SCAF1: variants seen among roughly 807,000 people sequenced by gnomAD.
SCAF1 encodes SR-related CTD associated factor 1.
Under a neutral mutation model 91.2 loss-of-function variants are expected in SCAF1, and 28 were observed. The observed-to-expected ratio is 0.31, with a 90% CI of 0.23 to 0.42. The LOEUF is 0.42. Ranked by LOEUF, SCAF1 falls within the 10% of genes least tolerant of loss-of-function variation. The pLI, the probability that SCAF1 is intolerant of heterozygous loss-of-function variation, is 1.00. For synonymous variants in SCAF1, 1,036 were observed against 833.7 expected (o/e 1.24, Z -4.18); for missense variants, 1,893 against 1,872.1 (o/e 1.01, Z -0.21).
Position 49,650,926 on chromosome 19 carries a change from G to C in SCAF1, c.537G>C (p.Thr179=). 1 of 1,605,964 alleles carries C rather than the reference G, an allele frequency of 6.2e-7. No homozygotes were observed. Among genetic ancestry groups the C allele is most frequent in the Non-Finnish European group, 8.5e-7 (1 of 1,175,998 alleles). The change falls in exon 7 of 11, where the codon ACG becomes ACC. Residue 179 remains threonine (T), a synonymous_variant. Coordinates refer to ENST00000360565, the MANE Select transcript of SCAF1 (RefSeq NM_021228.3). ...PTCARHLTLG[T]GDGGPAPPPA... ...GTGCCCGTCACCTCACCTTGGGCAC[G>C]GGAGACGGGGGCCCTGCCCCACCCC...
Position 49,651,109 on chromosome 19 carries a change from A to G in SCAF1, c.720A>G (p.Pro240=). Residue 240 remains proline (P), a synonymous_variant, in exon 7 of 11, where the codon CCA becomes CCG. Coordinates refer to ENST00000360565, the MANE Select transcript of SCAF1 (RefSeq NM_021228.3). ...PFHPTDEAYS[P]PPAPEQKYDP... ...ACCCCACCGACGAGGCCTACTCTCC[A>G]CCGCCTGCTCCGGAGCAAAAGTACG... 1 of 1,600,560 alleles carries G rather than the reference A, an allele frequency of 6.2e-7. No homozygotes were observed. Among genetic ancestry groups the G allele is most frequent in the Non-Finnish European group, 8.5e-7 (1 of 1,174,764 alleles).
At position 49,652,317 on chromosome 19, in the gene SCAF1, A is replaced by G; in HGVS notation, c.1928A>G (p.Lys643Arg). ...KHRDGGGSKKKKKRSRSRGEK... is the reference protein window; with the variant it reads ...KHRDGGGSKKRKKRSRSRGEK... ...CGGGACGGTGGCGGCAGCAAGAAGA[A>G]GAAGAAGCGGTCGCGGTCCCGGGGT... The change falls in exon 7 of 11, where the codon AAG becomes AGG. Residue 643 changes from lysine to arginine, a missense_variant. Physicochemically the swap from Lys to Arg is conservative, Grantham distance 26. This residue lies in a region of SCAF1 where 1,436 missense variants were observed against 1,306.8 expected (regional missense o/e 1.10). Coordinates refer to ENST00000360565, the MANE Select transcript of SCAF1 (RefSeq NM_021228.3). 6.5e-7 allele frequency: 1 copy of G among 1,534,872 alleles called. No homozygotes were observed.
chr19:49,640,678 A>G (rs1271716581), upstream of SCAF1, among the ~76,000 whole-genome samples: 5 of 152,114 alleles, frequency 3.3e-5, no homozygotes, highest in Non-Finnish European at 5.9e-5. Flanking sequence ...TCCGCCCGCT[A>G]AGGGACCCAG....
In SCAF1 at chr19:49,646,843, A is replaced by G; in HGVS notation, c.478+13A>G. On this transcript the variant is annotated intron_variant, in intron 6 of 10. Coordinates refer to ENST00000360565, the MANE Select transcript of SCAF1 (RefSeq NM_021228.3). The surrounding 1 kb of genome is among the most constrained non-coding windows in gnomAD (Gnocchi z 5.6). ...ACGGGCAAAACGGGTATGTGGGGCC[A>G]GGGCGGAGCTGGGCAGGTGGTCGTG... 1 of 1,598,528 alleles carries G rather than the reference A, an allele frequency of 6.3e-7. No homozygotes were observed. Among genetic ancestry groups the G allele is most frequent in the Non-Finnish European group, 8.5e-7 (1 of 1,171,254 alleles).
Position 49,651,994 on chromosome 19 carries a change from CTCG to C in SCAF1, c.1609_1611del (p.Ser537del). The C allele has an allele frequency of 8.3e-7, 1 of 1,198,678 alleles. No homozygotes were observed. Among genetic ancestry groups the C allele is most frequent in the Non-Finnish European group, 1.0e-6 (1 of 957,054 alleles). The allele number at this position is 1,198,678 out of a possible 1,614,324, so 74.3% of individuals were successfully genotyped here. ...GCGAGGCCAAGGAGGCCGCCTCGTC[CTCG>C]TCGGGCACCCAGCCAGCGCCGCCCG... On this transcript the variant is annotated inframe_deletion, in exon 7 of 11. Coordinates refer to ENST00000360565, the MANE Select transcript of SCAF1 (RefSeq NM_021228.3).
At position 49,646,423 on chromosome 19, in the gene SCAF1, A is replaced by G. The variant is rs2081055440; in HGVS notation, c.262-103A>G. On this transcript the variant is annotated intron_variant, in intron 4 of 10. Coordinates refer to ENST00000360565, the MANE Select transcript of SCAF1 (RefSeq NM_021228.3). This position sits in a 1 kb window ranked among gnomAD's most constrained non-coding sequence, Gnocchi z 5.6. ...AATTAGATCCTCAGTTTTCTTGGGG[A>G]TCTTAGATGTCTGGGTTCCTGAGAG... 1.5e-5 allele frequency: 16 copies of G among 1,062,660 alleles called. No individual in the cohort carries two copies. In the South Asian group the frequency reaches 2.1e-4, roughly 14 times the overall value. The allele number at this position is 1,062,660 out of a possible 1,614,324, so 65.8% of individuals were successfully genotyped here.
chr19:49,651,008 T>TGCCCCGC lies in SCAF1; in HGVS notation c.619_620insGCCCCGC (p.Ser207CysfsTer25). 1.7e-6 allele frequency: 1 copy of TGCCCCGC among 583,744 alleles called. No individual in the cohort carries two copies. The highest frequency in any genetic ancestry group is 2.6e-6 in the Non-Finnish European group (1 of 389,054). 36.2% of individuals were successfully genotyped at this position (583,744 alleles called of 1,614,324 possible). Reference sequence around the variant, plus strand: ...CCCTTCTCCCTCATCTTCCTCCCCTTCCCCTCCCCCACCCCCACCGCCCCC... The same window carrying TGCCCCGC: ...CCCTTCTCCCTCATCTTCCTCCCCTTGCCCCGCCCCCTCCCCCACCCCCACCGCCCCC... On this transcript the variant is annotated frameshift_variant, in exon 7 of 11. Transcript: ENST00000360565. LOFTEE classifies it high-confidence loss of function.
rs1156449002 is a variant in SCAF1, at chr19:49,645,741, AGCTGCAGCAGGCCTACAGCACG to A, written c.166+332_167-344del. ...CCTAGGATTAGAGGGAAGCCTGATC[AGCTGCAGCAGGCCTACAGCACG>A]GGTGCAGCGGCGAGGGGCTGCGCTG... On this transcript the variant is annotated intron_variant, in intron 3 of 10. Transcript: ENST00000360565. The surrounding 1 kb of genome is among the most constrained non-coding windows in gnomAD (Gnocchi z 4.6). Among the ~76,000 whole-genome samples the A allele has an allele frequency of 1.3e-5, 2 of 152,186 alleles. No homozygotes were observed. The highest frequency in any genetic ancestry group is 2.9e-5 in the Non-Finnish European group (2 of 68,006).
upstream of SCAF1, among the ~76,000 whole-genome samples, chr19:49,641,071 A>C (rs892014637): frequency 1.3e-5 from 2 of 152,120 alleles, no homozygotes; most frequent in Admixed American, 6.5e-5. Context: ...CTGGGGACCC[A>C]GGATTCTGGA....
chr19:49,653,175 G>A lies in SCAF1; in HGVS notation c.2786G>A (p.Ser929Asn), dbSNP rs1198416683. ...KPSKTRKKVR[S>N]GGGSGGSGGQ... ...TCCAAGACCAGGAAAAAGGTCCGCA[G>A]TGGAGGTGGCAGCGGGGGCAGTGGT... Residue 929 changes from serine (S) to asparagine (N), a missense_variant, in exon 7 of 11, where the codon AGT becomes AAT. Physicochemically the swap from Ser to Asn is conservative, Grantham distance 46 (BLOSUM62 1). This residue lies in a region of SCAF1 where 1,436 missense variants were observed against 1,306.8 expected (regional missense o/e 1.10). Coordinates refer to ENST00000360565, the MANE Select transcript of SCAF1 (RefSeq NM_021228.3). 2 of 1,589,686 alleles carry A rather than the reference G, an allele frequency of 1.3e-6. No individual in the cohort carries two copies. Among genetic ancestry groups the A allele is most frequent in the East Asian group, 4.5e-5 (2 of 44,324 alleles).
Position 49,645,445 on chromosome 19 carries a change from C to T in SCAF1, c.166+34C>T, listed in dbSNP as rs777697356. The T allele has an allele frequency of 2.5e-6, 4 of 1,590,804 alleles. No individual in the cohort carries two copies. In the Admixed American group the frequency reaches 7.1e-5, roughly 28 times the overall value. The stretch of plus-strand genomic sequence containing the variant: ...GCTTCCGGTTCCTTTTAGCCCCTGC[C>T]CCCTCTCTGCATTCTTTATCCTAAT... On this transcript the variant is annotated intron_variant, in intron 3 of 10. Transcript: ENST00000360565. The surrounding 1 kb of genome is among the most constrained non-coding windows in gnomAD (Gnocchi z 4.6).
In SCAF1 at chr19:49,651,024, CA is replaced by C; in HGVS notation, c.636del (p.Pro213ArgfsTer98). On this transcript the variant is annotated frameshift_variant, in exon 7 of 11. Coordinates refer to ENST00000360565, the MANE Select transcript of SCAF1 (RefSeq NM_021228.3). LOFTEE classifies it high-confidence loss of function. ...SSSSPSPPPP[P>X]PPPAPPAPPA... ...TCCTCCCCTTCCCCTCCCCCACCCC[CA>C]CCGCCCCCTGCACCCCCAGCCCCAC... 1.4e-6 allele frequency: 1 copy of C among 734,232 alleles called. No homozygotes were observed. The highest frequency in any genetic ancestry group is 2.1e-6 in the Non-Finnish European group (1 of 472,274). 45.5% of individuals were successfully genotyped at this position (734,232 alleles called of 1,614,324 possible).
rs2081052393 is a variant in SCAF1, at chr19:49,645,994, A to G, written c.167-114A>G. On this transcript the variant is annotated intron_variant, in intron 3 of 10. Transcript: ENST00000360565. This position sits in a 1 kb window ranked among gnomAD's most constrained non-coding sequence, Gnocchi z 4.6. ...GGTGGCGCATGGAGGCCTGGAGAGCATGCGGGAGGCTGGTTCCGCTGTCAG... is the reference window on the plus strand; with the variant it reads ...GGTGGCGCATGGAGGCCTGGAGAGCGTGCGGGAGGCTGGTTCCGCTGTCAG... 1.1e-6 allele frequency: 1 copy of G among 924,304 alleles called. No individual in the cohort carries two copies. The highest frequency in any genetic ancestry group is 1.4e-5 in the South Asian group (1 of 73,572). 57.3% of individuals were successfully genotyped at this position (924,304 alleles called of 1,614,324 possible).
chr19:49,648,701 G>A lies in SCAF1; in HGVS notation c.478+1871G>A, dbSNP rs113010886. ...AATCAGAAGCTGTAGGGCTGGGCACGGTGGCTCACGCCTGTAATCCCAGCA... is the reference window on the plus strand; with the variant it reads ...AATCAGAAGCTGTAGGGCTGGGCACAGTGGCTCACGCCTGTAATCCCAGCA... On this transcript the variant is annotated intron_variant, in intron 6 of 10. Coordinates refer to ENST00000360565, the MANE Select transcript of SCAF1 (RefSeq NM_021228.3). 2.1e-3 allele frequency among the ~76,000 whole-genome samples: 313 copies of A among 151,934 alleles called. 3 individuals carry two copies. The highest frequency in any genetic ancestry group is 6.9e-3 in the African/African-American group (288 of 41,460).
upstream of SCAF1, among the ~76,000 whole-genome samples, chr19:49,640,737 G>A (rs1002712238): frequency 6.6e-6 from 1 of 152,174 alleles, no homozygotes; most frequent in Non-Finnish European, 1.5e-5. Context: ...ACTGGGAGGA[G>A]AGTGGGGCCC....
Position 49,651,979 on chromosome 19 carries a change from G to T in SCAF1, c.1590G>T (p.Lys530Asn). 8.3e-7 allele frequency: 1 copy of T among 1,200,064 alleles called. No individual in the cohort carries two copies. Among genetic ancestry groups the T allele is most frequent in the South Asian group, 1.7e-5 (1 of 57,284 alleles). 74.3% of individuals were successfully genotyped at this position (1,200,064 alleles called of 1,614,324 possible). The change falls in exon 7 of 11, where the codon AAG (lysine) becomes AAT (asparagine). Residue 530 changes from lysine (K) to asparagine (N), a missense_variant. Lys to Asn is a moderately conservative substitution (Grantham distance 94). Transcript: ENST00000360565. ...AACGCAAGCGCAGCGGCGAGGCCAA[G>T]GAGGCCGCCTCGTCCTCGTCGGGCA... ...RRERKRSGEAKEAASSSSGTQ... is the reference protein window; with the variant it reads ...RRERKRSGEANEAASSSSGTQ...
At chr19:49,643,624 A>G (rs1243989739) in intron 1 of SCAF1, among the ~76,000 whole-genome samples, 1 of 152,196 alleles carries the variant, frequency 6.6e-6, no homozygotes, top group African/African-American at 2.4e-5. Context: ...GCATCTTTGT[A>G]TACTGCAGAG....
Position 49,654,767 on chromosome 19 carries a change from T to A in SCAF1, c.3515T>A (p.Leu1172Gln). The A allele has an allele frequency of 6.2e-7, 1 of 1,612,574 alleles. No individual in the cohort carries two copies. ...SSYLLPGSLP[L>Q]GGCGSTPPTP... ...TACCTGCTTCCTGGCAGCCTCCCTCTGGGGGGCTGCGGTTCGACCCCCCCC... is the reference window on the plus strand; with the variant it reads ...TACCTGCTTCCTGGCAGCCTCCCTCAGGGGGGCTGCGGTTCGACCCCCCCC... Residue 1172 changes from leucine (L) to glutamine (Q), a missense_variant, in exon 9 of 11, where the codon CTG becomes CAG. Physicochemically the swap from Leu to Gln is moderately radical, Grantham distance 113 (BLOSUM62 -2). Coordinates refer to ENST00000360565, the MANE Select transcript of SCAF1 (RefSeq NM_021228.3).
At chr19:49,656,634 C>T (rs774058770) in intron 9 of SCAF1, among the ~76,000 whole-genome samples, 3 of 152,198 alleles carry the variant, frequency 2.0e-5, no homozygotes, top group Admixed American at 6.5e-5. Flanking sequence ...CCCGAGCCTG[C>T]GGCTGCGGGA....
Sources: gnomAD v4.1 joint callset for allele counts (sites outside exome capture counted in the v4.1 genomes callset) on GRCh38, gnomAD v4.1.1 for gene constraint, gnomAD v4.1.1 regional missense constraint, Gnocchi (gnomAD v3.1) non-coding constraint, MANE v1.5 for transcripts, NCBI Gene and HGNC (gene_info 2026-07-23, HGNC 2026-07-21) for gene names.